Variants in SPATA17 observed in about 807,000 individuals in gnomAD.
The protein encoded by SPATA17 is spermatogenesis-associated protein 17.
Under a neutral mutation model 62.2 loss-of-function variants are expected in SPATA17, and 53 were observed. The ratio of observed to expected loss-of-function variants is 0.85; its 90% confidence interval spans 0.68 to 1.07. SPATA17 has a LOEUF of 1.07. SPATA17 is among the 50% of genes least tolerant of loss of function. The probability of loss-of-function intolerance (pLI) is 0.00; values close to 1 mark genes in which losing one functional copy is unlikely to be tolerated. For missense variants in SPATA17, 466 were observed against 425.5 expected (o/e 1.10, Z -0.84); for synonymous variants, 146 against 146.8 (o/e 0.99, Z 0.04).
At chr1:217,836,895 C>T (rs1032338332) in intron 9 of SPATA17, among the ~76,000 whole-genome samples, 3 of 151,988 alleles carry the variant, frequency 2.0e-5, no homozygotes, top group Admixed American at 2.0e-4. Flanking sequence ...CTGTATTTAA[C>T]AATACTAAGA....
At chr1:217,777,412 CTT>C (rs1051462311) in intron 7 of SPATA17, among the ~76,000 whole-genome samples, 1 of 151,822 alleles carries the variant, frequency 6.6e-6, no homozygotes, top group Non-Finnish European at 1.5e-5. Flanking sequence ...TATCCGTATT[CTT>C]TTTTTGAGAT....
chr1:217,867,921 T>C lies in SPATA17; in HGVS notation c.*902T>C, dbSNP rs1377497964. The stretch of plus-strand genomic sequence containing the variant: ...AATGATAGCACAGAGGGACAGGAAA[T>C]GTGATTTATTGACCATAAAAGCTTT... On this transcript the variant is annotated 3_prime_UTR_variant, in exon 11 of 11. Transcript: ENST00000366933. 1 of 152,092 alleles carries C rather than the reference T, an allele frequency of 6.6e-6. No homozygotes were observed. The allele number at this position is 152,092 out of a possible 1,614,324, so 9.4% of individuals were successfully genotyped here.
intron 9 of SPATA17, among the ~76,000 whole-genome samples, chr1:217,838,157 G>GA (rs1675304256): frequency 1.3e-5 from 2 of 151,914 alleles, no homozygotes; most frequent in African/African-American, 4.8e-5. Flanking sequence ...TTTTTAATGT[G>GA]GCTACTAGAA....
At chr1:217,813,436 T>C (rs575606571) in intron 9 of SPATA17, among the ~76,000 whole-genome samples, 1 of 152,348 alleles carries the variant, frequency 6.6e-6, no homozygotes, top group Non-Finnish European at 1.5e-5. Context: ...AAAATATGCC[T>C]TTCTATTTAA....
At chr1:217,842,573 C>T (rs1207038145) in intron 9 of SPATA17, among the ~76,000 whole-genome samples, 1 of 151,810 alleles carries the variant, frequency 6.6e-6, no homozygotes, top group Non-Finnish European at 1.5e-5. Flanking sequence ...CAAAAAATTG[C>T]TCATGATCCA....
chr1:217,728,369 T>C (rs1672318948), intron 5 of SPATA17, among the ~76,000 whole-genome samples: 1 of 152,182 alleles, frequency 6.6e-6, no homozygotes. Flanking sequence ...ACATTACCTG[T>C]TTCTTAATTG....
rs115611447 is a variant in SPATA17, at chr1:217,660,034, G to A, written c.240+8856G>A. Among the ~76,000 whole-genome samples, 735 of 152,168 alleles carry A rather than the reference G, an allele frequency of 4.8e-3. 4 individuals are homozygous for A. The highest frequency in any genetic ancestry group is 0.016 in the African/African-American group (668 of 41,526). On this transcript the variant is annotated intron_variant, in intron 3 of 10. Coordinates refer to ENST00000366933, the MANE Select transcript of SPATA17 (RefSeq NM_138796.4). ...ATACCTATGTAAATATGCTTTAGTC[G>A]TATTCAACCACTTGCCATTGCCCAA...
intron 6 of SPATA17, among the ~76,000 whole-genome samples, chr1:217,747,123 G>C (rs753751113): frequency 1.2e-4 from 18 of 152,066 alleles, no homozygotes; most frequent in Non-Finnish European, 2.2e-4. Flanking sequence ...AATTTTGGTT[G>C]ATTTGGATAA....
rs750133838 is a variant in SPATA17 at position 217,669,013 on chromosome 1, CTT to C, written c.241-14_241-13del. On this transcript the variant is annotated intron_variant, in intron 3 of 10. Coordinates refer to ENST00000366933, the MANE Select transcript of SPATA17 (RefSeq NM_138796.4). ...TTTGTGTAACTGAAATGCATGCCAT[CTT>C]TTTTTCTTGATTCACAGGTAGCATA... 3.7e-6 allele frequency: 6 copies of C among 1,608,100 alleles called. No individual in the cohort carries two copies. The South Asian group carries it at 6.7e-5, about 18-fold the overall frequency.
intron 9 of SPATA17, among the ~76,000 whole-genome samples, chr1:217,820,117 CA>C (rs1230409657): frequency 6.6e-6 from 1 of 151,974 alleles, no homozygotes; most frequent in Admixed American, 6.6e-5. Flanking sequence ...AAAAGGTTAT[CA>C]GGGCTGAAGT....
chr1:217,803,909 T>C (rs1674372163), intron 9 of SPATA17, among the ~76,000 whole-genome samples: 1 of 151,922 alleles, frequency 6.6e-6, no homozygotes, highest in Non-Finnish European at 1.5e-5. Flanking sequence ...TCCCAGCTAC[T>C]TGGGAGGCTG....
At chr1:217,840,652 G>C (rs1431143645) in intron 9 of SPATA17, among the ~76,000 whole-genome samples, 1 of 151,964 alleles carries the variant, frequency 6.6e-6, no homozygotes, top group Admixed American at 6.6e-5. Context: ...GAGCCCAGGA[G>C]TTAGAGACCA....
At chr1:217,860,972 A>G (rs114895214) in intron 9 of SPATA17, among the ~76,000 whole-genome samples, 2,662 of 152,190 alleles carry the variant, frequency 0.017, 77 homozygotes, top group African/African-American at 0.06. Flanking sequence ...CACTCAGCAT[A>G]TCAAAATTTT....
intron 5 of SPATA17, among the ~76,000 whole-genome samples, chr1:217,708,198 C>T (rs1368313218): frequency 1.3e-5 from 2 of 151,918 alleles, no homozygotes; most frequent in Non-Finnish European, 2.9e-5. Flanking sequence ...CAAGAAATAA[C>T]CAAAATTAGA....
intron 9 of SPATA17, among the ~76,000 whole-genome samples, chr1:217,833,211 A>G (rs958746872): frequency 1.3e-5 from 2 of 152,188 alleles, no homozygotes; most frequent in Admixed American, 6.5e-5. Context: ...AGCAAAAAGT[A>G]TATCGGCTAT....
intron 5 of SPATA17, among the ~76,000 whole-genome samples, chr1:217,739,048 A>G (rs1423906461): frequency 6.6e-6 from 1 of 152,234 alleles, no homozygotes; most frequent in Non-Finnish European, 1.5e-5. Context: ...TTATTAGAAT[A>G]TGTAAATACT....
intron 5 of SPATA17, among the ~76,000 whole-genome samples, chr1:217,726,967 T>A (rs986201704): frequency 5.3e-5 from 8 of 151,902 alleles, no homozygotes; most frequent in South Asian, 2.1e-4. Flanking sequence ...AAAACTACTG[T>A]CGGGGAGCGG....
intron 5 of SPATA17, chr1:217,737,963 T>C (rs1160733206): frequency 6.6e-6 from 1 of 152,520 alleles, no homozygotes; most frequent in Non-Finnish European, 1.5e-5. Flanking sequence ...TAGCTGGGAT[T>C]ACAGGTGCAC....
intron 3 of SPATA17, among the ~76,000 whole-genome samples, chr1:217,667,302 C>T (rs1283633040): frequency 6.6e-6 from 1 of 151,996 alleles, no homozygotes; most frequent in Non-Finnish European, 1.5e-5. Context: ...CTGCCTCGGC[C>T]TCCCAAAGTG....
Sources: gnomAD v4.1 joint callset for allele counts (sites outside exome capture counted in the v4.1 genomes callset) on GRCh38, gnomAD v4.1.1 for gene constraint, MANE v1.5 for transcripts, NCBI Gene and HGNC (gene_info 2026-07-23, HGNC 2026-07-21) for gene names.